TENM3: variants seen among roughly 807,000 people sequenced by gnomAD.
TENM3 encodes the protein teneurin-3.
A neutral mutation model predicts 255.1 loss-of-function variants in TENM3; 63 were observed. The observed-to-expected ratio is 0.25, with a 90% CI of 0.20 to 0.30. The LOEUF is 0.30. Among genes scored for constraint, TENM3 ranks in the 10% least tolerant of loss-of-function variants. The pLI, the probability that TENM3 is intolerant of heterozygous loss-of-function variation, is 1.00. For synonymous variants in TENM3, 1,306 were observed against 1,322.3 expected (o/e 0.99, Z 0.27); for missense variants, 2,929 against 3,461.1 (o/e 0.85, Z 3.86).
chr4:182,680,586 G>A lies in TENM3; in HGVS notation c.1683G>A (p.Lys561=), dbSNP rs1242360600. 3 of 1,613,820 alleles carry A rather than the reference G, an allele frequency of 1.9e-6. No homozygotes were observed. The Admixed American group carries it at 5.0e-5, about 27-fold the overall frequency. ...VLCSGNGQYS[K]GRCLCFSGWK... is the part of the protein sequence containing the mutation. ...GTAGTGGCAACGGGCAGTACTCCAA[G>A]GGCCGCTGCCTGTGTTTCAGCGGCT... Residue 561 remains lysine (K), a synonymous_variant, in exon 10 of 28, where the codon AAG becomes AAA. Transcript: ENST00000511685.
At chr4:182,287,556 C>T (rs1427415723) in intron 1 of TENM3, among the ~76,000 whole-genome samples, 2 of 152,126 alleles carry the variant, frequency 1.3e-5, no homozygotes, top group East Asian at 3.9e-4. Context: ...TTGTCCTCTC[C>T]TCAACAATCC....
chr4:181,955,704 G>A, the TENM3 span, among the ~76,000 whole-genome samples: 14 of 152,148 alleles, frequency 9.2e-5, no homozygotes, highest in African/African-American at 3.1e-4. Context: ...ATTGGTTGAC[G>A]ATAGGGAGCC....
At chr4:181,986,809 C>T in the TENM3 span, among the ~76,000 whole-genome samples, 1 of 151,904 alleles carries the variant, frequency 6.6e-6, no homozygotes, top group Non-Finnish European at 1.5e-5. Flanking sequence ...TATATGCAGC[C>T]ATTAAATGAT....
intron 13 of TENM3, among the ~76,000 whole-genome samples, chr4:182,714,504 TC>T (rs1433607082): frequency 6.6e-6 from 1 of 152,158 alleles, no homozygotes; most frequent in Non-Finnish European, 1.5e-5. Context: ...CTTTTCCTGG[TC>T]CCCAGGTGAC....
At chr4:182,746,582 C>A (rs72997130) in intron 19 of TENM3, among the ~76,000 whole-genome samples, 371 of 152,180 alleles carry the variant, frequency 2.4e-3, no homozygotes, top group African/African-American at 8.4e-3. Context: ...TATAGGATAC[C>A]TGAGACAGTG....
the TENM3 span, among the ~76,000 whole-genome samples, chr4:182,131,764 C>T: frequency 6.6e-6 from 1 of 152,214 alleles, no homozygotes; most frequent in Admixed American, 6.5e-5. Context: ...ATTGATTAGA[C>T]AGGTTCATTA....
the TENM3 span, among the ~76,000 whole-genome samples, chr4:181,538,461 G>C: frequency 1.3e-5 from 2 of 152,084 alleles, no homozygotes; most frequent in Non-Finnish European, 1.5e-5. Context: ...GGATGGGATG[G>C]GGAGGGGGGC....
At chr4:181,915,230 C>T in the TENM3 span, among the ~76,000 whole-genome samples, 3 of 152,112 alleles carry the variant, frequency 2.0e-5, no homozygotes, top group Non-Finnish European at 2.9e-5. Context: ...TTATCCTGCT[C>T]CTTTACCAGC....
rs144306845 is a variant in TENM3 at position 182,191,765 on chromosome 4, C to T, written c.-76+47011C>T. 7.9e-4 allele frequency among the ~76,000 whole-genome samples: 121 copies of T among 152,238 alleles called. 1 individual carries two copies. Among genetic ancestry groups the T allele is most frequent in the African/African-American group, 2.8e-3 (117 of 41,540 alleles). Reference sequence around the variant, plus strand: ...TCTGCTATCAGCCAGAGATCTAAAGCCCTTTTTACTGGGATTTCCTTTCAG... The same window carrying T: ...TCTGCTATCAGCCAGAGATCTAAAGTCCTTTTTACTGGGATTTCCTTTCAG... On this transcript the variant is annotated intron_variant, in intron 1 of 2. Coordinates refer to the TENM3 transcript ENST00000512480.
chr4:181,616,333 AC>A, the TENM3 span, among the ~76,000 whole-genome samples: 1 of 144,608 alleles, frequency 6.9e-6, no homozygotes, highest in East Asian at 2.0e-4. Flanking sequence ...ACACACACAC[AC>A]ACACACACAC....
the TENM3 span, among the ~76,000 whole-genome samples, chr4:181,655,576 T>C: frequency 3.3e-5 from 5 of 152,216 alleles, no homozygotes; most frequent in Non-Finnish European, 7.3e-5. Context: ...GGGTCAGTGC[T>C]ATGGCCACCT....
chr4:182,041,925 G>A, the TENM3 span, among the ~76,000 whole-genome samples: 56 of 152,246 alleles, frequency 3.7e-4, no homozygotes, highest in African/African-American at 1.3e-3. Flanking sequence ...AATTAATTTG[G>A]TTCTCATACT....
the TENM3 span, among the ~76,000 whole-genome samples, chr4:181,686,498 T>C: frequency 6.6e-6 from 1 of 152,140 alleles, no homozygotes; most frequent in Non-Finnish European, 1.5e-5. Flanking sequence ...CCCATAGCCT[T>C]CTTTATTTTT....
the TENM3 span, among the ~76,000 whole-genome samples, chr4:181,583,658 T>G: frequency 6.6e-6 from 1 of 152,344 alleles, no homozygotes; most frequent in African/African-American, 2.4e-5. Context: ...ATTATACTAA[T>G]AACAAATAAA....
chr4:181,951,446 A>T, the TENM3 span, among the ~76,000 whole-genome samples: 1 of 152,226 alleles, frequency 6.6e-6, no homozygotes, highest in Non-Finnish European at 1.5e-5. Flanking sequence ...TACATGTGAC[A>T]TGTTGACAGA....
chr4:181,674,726 A>C, the TENM3 span, among the ~76,000 whole-genome samples: 1 of 152,162 alleles, frequency 6.6e-6, no homozygotes, highest in African/African-American at 2.4e-5. Context: ...GCACTACTCC[A>C]GCAGGTCAAT....
chr4:181,628,854 T>A, the TENM3 span, among the ~76,000 whole-genome samples: 1 of 152,214 alleles, frequency 6.6e-6, no homozygotes, highest in African/African-American at 2.4e-5. Context: ...AAAGTGTTTT[T>A]TTTCCAATTC....
the TENM3 span, among the ~76,000 whole-genome samples, chr4:181,470,863 T>G: frequency 6.6e-6 from 1 of 152,222 alleles, no homozygotes; most frequent in Non-Finnish European, 1.5e-5. Flanking sequence ...AAAAAAGTTT[T>G]ATTAAATACC....
At chr4:182,388,677 A>G (rs938031617) in intron 3 of TENM3, among the ~76,000 whole-genome samples, 1 of 152,256 alleles carries the variant, frequency 6.6e-6, no homozygotes, top group Non-Finnish European at 1.5e-5. Flanking sequence ...AACATTTGGT[A>G]GAAGATTAAC....
Sources: gnomAD v4.1 joint callset for allele counts (sites outside exome capture counted in the v4.1 genomes callset) on GRCh38, gnomAD v4.1.1 for gene constraint, MANE v1.5 for transcripts, NCBI Gene and HGNC (gene_info 2026-07-23, HGNC 2026-07-21) for gene names.